TNNI3K: variants seen among roughly 807,000 people sequenced by gnomAD.
The protein encoded by TNNI3K is serine/threonine-protein kinase TNNI3K.
A neutral mutation model predicts 114.5 loss-of-function variants in TNNI3K; 140 were observed. The observed-to-expected ratio is 1.22, with a 90% CI of 1.07 to 1.41. TNNI3K has a LOEUF of 1.41. Among genes scored for constraint, TNNI3K ranks in the 40% most tolerant of loss-of-function variants. TNNI3K has a pLI of 0.00. For synonymous variants in TNNI3K, 347 were observed against 347.5 expected (o/e 1.00, Z 0.02); for missense variants, 1,125 against 1,007.6 (o/e 1.12, Z -1.58).
chr1:74,534,586 A>T (rs1646637081), intron 23 of TNNI3K, among the ~76,000 whole-genome samples: 1 of 152,224 alleles, frequency 6.6e-6, no homozygotes, highest in African/African-American at 2.4e-5. Flanking sequence ...AGATGGCACC[A>T]GAATCTCCCA....
At chr1:74,418,048 A>G in intron 17 of TNNI3K, 1 of 330,072 alleles carries the variant, frequency 3.0e-6, no homozygotes, top group South Asian at 2.3e-5. Flanking sequence ...TTTTATTTCA[A>G]TTAAAACATC....
intron 17 of TNNI3K, among the ~76,000 whole-genome samples, chr1:74,386,331 A>G (rs1663477429): frequency 6.6e-6 from 1 of 151,694 alleles, no homozygotes; most frequent in African/African-American, 2.4e-5. Flanking sequence ...ACATCTGAAA[A>G]GAAAAAAAAA....
intron 17 of TNNI3K, among the ~76,000 whole-genome samples, chr1:74,394,049 A>T (rs1381946145): frequency 6.6e-6 from 1 of 152,194 alleles, no homozygotes; most frequent in African/African-American, 2.4e-5. Context: ...CTATTGATTT[A>T]TTGGACTTGT....
intron 24 of TNNI3K, among the ~76,000 whole-genome samples, chr1:74,543,045 C>T (rs950023714): frequency 2.9e-5 from 4 of 139,880 alleles, no homozygotes; most frequent in African/African-American, 1.0e-4. Flanking sequence ...TTTCCTTTTC[C>T]TTTTCTTTTT....
chr1:74,351,197 A>G (rs1427187711), intron 9 of TNNI3K, among the ~76,000 whole-genome samples: 2 of 151,978 alleles, frequency 1.3e-5, no homozygotes, highest in African/African-American at 4.8e-5. Context: ...GCTTGTCTGT[A>G]AAGTATTTTA....
intron 17 of TNNI3K, among the ~76,000 whole-genome samples, chr1:74,379,145 CAT>C (rs1164191771): frequency 6.6e-6 from 1 of 151,916 alleles, no homozygotes; most frequent in Non-Finnish European, 1.5e-5. Flanking sequence ...AGTGTGGCAA[CAT>C]ATGTCTATGA....
At chr1:74,420,064 G>A (rs1007787864) in intron 17 of TNNI3K, among the ~76,000 whole-genome samples, 4 of 152,020 alleles carry the variant, frequency 2.6e-5, no homozygotes, top group African/African-American at 7.2e-5. Context: ...AAATAATTTA[G>A]GGGAGACATG....
intron 4 of TNNI3K, among the ~76,000 whole-genome samples, chr1:74,259,714 A>AT (rs1231208122): frequency 1.3e-5 from 2 of 152,186 alleles, no homozygotes; most frequent in Non-Finnish European, 2.9e-5. Context: ...TGGAGATTGC[A>AT]TTGAGCTAAG....
chr1:74,339,002 A>G (rs1371856700), intron 7 of TNNI3K, among the ~76,000 whole-genome samples: 1 of 151,950 alleles, frequency 6.6e-6, no homozygotes, highest in African/African-American at 2.4e-5. Context: ...AAACTGCCTC[A>G]CTCTTCCAAG....
chr1:74,405,553 T>G (rs1008889076), intron 17 of TNNI3K, among the ~76,000 whole-genome samples: 5 of 152,082 alleles, frequency 3.3e-5, no homozygotes, highest in African/African-American at 1.2e-4. Context: ...TTAAAACTGT[T>G]TACAAAATAG....
rs764997327 is a variant in TNNI3K, at chr1:74,399,666, T to G, written c.1772+29274T>G. Among the ~76,000 whole-genome samples, 264 of 152,154 alleles carry G rather than the reference T, an allele frequency of 1.7e-3. 1 individual carries two copies. Among genetic ancestry groups the G allele is most frequent in the Non-Finnish European group, 2.9e-3 (200 of 68,008 alleles). The stretch of plus-strand genomic sequence containing the variant: ...GGGAAAAGGATGAATGGGAAGTGTA[T>G]AGATCACCTAAGGAACCCTTAAAGC... On this transcript the variant is annotated intron_variant, in intron 17 of 24. Transcript: ENST00000326637.
At chr1:74,474,426 A>G (rs1668089797) in intron 21 of TNNI3K, among the ~76,000 whole-genome samples, 1 of 152,106 alleles carries the variant, frequency 6.6e-6, no homozygotes, top group Admixed American at 6.6e-5. Context: ...AACATACGTG[A>G]AATAACATAT....
chr1:74,501,004 C>T (rs559735045), intron 23 of TNNI3K, among the ~76,000 whole-genome samples: 3 of 152,222 alleles, frequency 2.0e-5, no homozygotes, highest in Non-Finnish European at 4.4e-5. Context: ...TGAAAATTGA[C>T]ATCTTTCATA....
chr1:74,432,006 T>A (rs1665922476), intron 17 of TNNI3K, among the ~76,000 whole-genome samples: 1 of 152,128 alleles, frequency 6.6e-6, no homozygotes, highest in Non-Finnish European at 1.5e-5. Context: ...TAAAAAGCAT[T>A]CCTCAGTGAC....
chr1:74,343,073 A>T lies in TNNI3K; in HGVS notation c.828-2A>T. The T allele has an allele frequency of 6.2e-7, 1 of 1,613,270 alleles. No individual in the cohort carries two copies. The highest frequency in any genetic ancestry group is 8.5e-7 in the Non-Finnish European group (1 of 1,179,710). On this transcript the variant is annotated splice_acceptor_variant, in intron 8 of 24. Transcript: ENST00000326637. LOFTEE classifies it high-confidence loss of function. ...TTAACAAGATATTTTCTTCAAATCTAGGGCATGCTACAATGGCAAATTTGA... is the reference window on the plus strand; with the variant it reads ...TTAACAAGATATTTTCTTCAAATCTTGGGCATGCTACAATGGCAAATTTGA...
intron 20 of TNNI3K, among the ~76,000 whole-genome samples, chr1:74,457,476 CAA>C (rs1667273632): frequency 6.6e-6 from 1 of 152,144 alleles, no homozygotes; most frequent in South Asian, 2.1e-4. Flanking sequence ...GTCAGTTTAA[CAA>C]AGAATGTGTC....
chr1:74,333,687 A>G (rs969001025), intron 6 of TNNI3K, among the ~76,000 whole-genome samples: 2 of 152,226 alleles, frequency 1.3e-5, no homozygotes, highest in African/African-American at 4.8e-5. Flanking sequence ...AGAATGGTAC[A>G]TTCAATATAT....
At chr1:74,446,036 G>A (rs61776251) in intron 20 of TNNI3K, among the ~76,000 whole-genome samples, 1 of 151,664 alleles carries the variant, frequency 6.6e-6, no homozygotes, top group South Asian at 2.1e-4. Flanking sequence ...ATGATTTATA[G>A]TCATTTGGGT....
chr1:74,327,660 CTAT>C (rs3057160), intron 5 of TNNI3K, among the ~76,000 whole-genome samples: 85,261 of 143,646 alleles, frequency 0.59, 28,679 homozygotes, highest in East Asian at 0.82. Context: ...TATATCAGTA[CTAT>C]TATTATTAAA....
Sources: allele counts gnomAD v4.1 joint callset (sites outside exome capture counted in the v4.1 genomes callset), GRCh38; gene constraint gnomAD v4.1.1; transcripts MANE v1.5; gene names NCBI Gene and HGNC (gene_info 2026-07-23, HGNC 2026-07-21).